The following RPS6KA5 variants were observed in gnomAD, a reference collection of about 807,000 sequenced individuals.
RPS6KA5 encodes the protein ribosomal protein S6 kinase A5.
Under a neutral mutation model 85.5 loss-of-function variants are expected in RPS6KA5, and 27 were observed. The observed-to-expected ratio is 0.32, with a 90% CI of 0.23 to 0.44. The LOEUF is 0.44. RPS6KA5 is among the 20% of genes least tolerant of loss of function. The pLI, the probability that RPS6KA5 is intolerant of heterozygous loss-of-function variation, is 1.00. For missense variants in RPS6KA5, 811 were observed against 980.9 expected, an observed-to-expected ratio of 0.83 and a Z score of 2.31; for synonymous variants, 334 against 348.2, an observed-to-expected ratio of 0.96 and a Z score of 0.46.
rs1490296529 is a variant in RPS6KA5, at chr14:90,861,632, G to A, written c.*10442C>T. The A allele has an allele frequency of 6.6e-6, 1 of 151,396 alleles. No homozygotes were observed. The highest frequency in any genetic ancestry group is 1.5e-5 in the Non-Finnish European group (1 of 68,030). 9.4% of individuals were successfully genotyped at this position (151,396 alleles called of 1,614,324 possible). A position where few individuals can be genotyped will look rare whatever the true frequency, so the allele number is the denominator to read the frequency against. On this transcript the variant is annotated 3_prime_UTR_variant, in exon 17 of 17. Transcript: ENST00000614987. The stretch of plus-strand genomic sequence containing the variant: ...CAACAATAACATAAAAGGAAGAAGG[G>A]GGAATACCTGTAATCCCAGCACTTT...
chr14:91,005,303 CATAA>C (rs1291294685), intron 1 of RPS6KA5, among the ~76,000 whole-genome samples: 2 of 152,188 alleles, frequency 1.3e-5, no homozygotes. Flanking sequence ...CTACTGCCAT[CATAA>C]ATTAATCTAA....
intron 1 of RPS6KA5, among the ~76,000 whole-genome samples, chr14:91,024,919 T>C (rs1478871507): frequency 1.3e-5 from 2 of 152,174 alleles, no homozygotes; most frequent in African/African-American, 4.8e-5. Flanking sequence ...TCTCGCTCTG[T>C]CACCCAGGCT....
intron 2 of RPS6KA5, among the ~76,000 whole-genome samples, chr14:90,979,262 T>C (rs2039694705): frequency 6.6e-6 from 1 of 152,220 alleles, no homozygotes; most frequent in Admixed American, 6.5e-5. Flanking sequence ...CTGCATTTAT[T>C]TTCTTAGAGA....
chr14:90,959,857 T>G (rs577263888), intron 3 of RPS6KA5, among the ~76,000 whole-genome samples: 1 of 152,288 alleles, frequency 6.6e-6, no homozygotes, highest in East Asian at 1.9e-4. Context: ...TTAAGGAACA[T>G]CACCTTAAAG....
intron 1 of RPS6KA5, among the ~76,000 whole-genome samples, chr14:91,046,614 G>T (rs2042884394): frequency 6.6e-6 from 1 of 152,094 alleles, no homozygotes; most frequent in South Asian, 2.1e-4. Context: ...TGTGATTAGA[G>T]GACAGAGTGC....
At position 90,884,458 on chromosome 14, in the gene RPS6KA5, C is replaced by T. The variant is rs150366072; in HGVS notation, c.1836+6029G>A. ...AAATATGCCGAAATCCAAAGAAATCCGAAATCCAAAATACTTCTGGTCCCA... is the reference window on the plus strand; with the variant it reads ...AAATATGCCGAAATCCAAAGAAATCTGAAATCCAAAATACTTCTGGTCCCA... On this transcript the variant is annotated intron_variant, in intron 14 of 16. Coordinates refer to ENST00000614987, the MANE Select transcript of RPS6KA5 (RefSeq NM_004755.4). Among the ~76,000 whole-genome samples, 46 of 152,236 alleles carry T rather than the reference C, an allele frequency of 3.0e-4. 1 individual carries two copies. Among genetic ancestry groups the T allele is most frequent in the African/African-American group, 9.9e-4 (41 of 41,536 alleles).
chr14:90,906,402 T>C, intron 7 of RPS6KA5, 103 bp from the exon 8 acceptor site: 1 of 861,876 alleles, frequency 1.2e-6, no homozygotes, highest in Non-Finnish European at 1.7e-6. Context: ...GAAAGAGAGA[T>C]ATAAATACTT....
In RPS6KA5 at chr14:90,890,568, G is replaced by A. The variant is rs575612190; in HGVS notation, c.1755C>T (p.Thr585=). ...AGAGCTCTGGGGCGGCATAATGAAG[G>A]GTGAAGCATGGAGTCTTCAGGGGCT... ...DNQPLKTPCF[T]LHYAAPELLN... The change falls in exon 14 of 17, where the codon ACC becomes ACT. Residue 585 remains threonine (T), a synonymous_variant. Transcript: ENST00000614987. 6 of 1,614,152 alleles carry A rather than the reference G, an allele frequency of 3.7e-6. No individual in the cohort carries two copies. The highest frequency in any genetic ancestry group is 2.7e-5 in the African/African-American group (2 of 75,034).
At chr14:90,966,717 C>T (rs560230250) in intron 3 of RPS6KA5, among the ~76,000 whole-genome samples, 2 of 152,252 alleles carry the variant, frequency 1.3e-5, no homozygotes, top group South Asian at 2.1e-4. Flanking sequence ...CTAGCCCTAT[C>T]GAATACAAGG....
rs145682676 is a variant in RPS6KA5 at position 90,969,831 on chromosome 14, C to T, written c.394+8475G>A. 1.8e-4 allele frequency among the ~76,000 whole-genome samples: 28 copies of T among 152,226 alleles called. No individual in the cohort carries two copies. In the East Asian group the frequency reaches 5.4e-3, roughly 29 times the overall value. ...AGCTGTTATTAATTCCCACATGCCC[C>T]CTATGATTCAGACCACTTCTCTCTT... On this transcript the variant is annotated intron_variant, in intron 3 of 16. Transcript: ENST00000614987.
At chr14:90,941,306 T>G (rs760286127) in intron 5 of RPS6KA5, among the ~76,000 whole-genome samples, 1 of 152,178 alleles carries the variant, frequency 6.6e-6, no homozygotes, top group Non-Finnish European at 1.5e-5. Context: ...GTAGAGAGAT[T>G]TGGCTGGGCC....
chr14:91,006,900 A>G (rs971133280), intron 1 of RPS6KA5, among the ~76,000 whole-genome samples: 1 of 152,190 alleles, frequency 6.6e-6, no homozygotes, highest in Non-Finnish European at 1.5e-5. Flanking sequence ...ACACCTGAAC[A>G]TGCTGGTCTC....
At chr14:91,052,014 A>G (rs1258840787) in intron 1 of RPS6KA5, among the ~76,000 whole-genome samples, 1 of 152,076 alleles carries the variant, frequency 6.6e-6, no homozygotes, top group East Asian at 1.9e-4. Context: ...GCTCGTAAAT[A>G]CTTTGATTAT....
At chr14:90,969,446 G>C (rs184273362) in intron 3 of RPS6KA5, among the ~76,000 whole-genome samples, 3 of 152,230 alleles carry the variant, frequency 2.0e-5, no homozygotes, top group Admixed American at 6.5e-5. Flanking sequence ...AGAGACATTG[G>C]GTTACATAAG....
intron 1 of RPS6KA5, among the ~76,000 whole-genome samples, chr14:91,025,993 T>C (rs1333777045): frequency 1.3e-5 from 2 of 151,910 alleles, no homozygotes; most frequent in African/African-American, 4.9e-5. Flanking sequence ...TTCCCTCTTC[T>C]TTCTCTCTAC....
intron 1 of RPS6KA5, among the ~76,000 whole-genome samples, chr14:91,030,889 CAGG>C (rs897298859): frequency 6.6e-6 from 1 of 151,692 alleles, no homozygotes; most frequent in African/African-American, 2.4e-5. Context: ...AGATAAACAA[CAGG>C]AGATTAAAAA....
intron 2 of RPS6KA5, among the ~76,000 whole-genome samples, chr14:90,998,064 G>A (rs1040667316): frequency 6.3e-5 from 9 of 142,238 alleles, no homozygotes; most frequent in African/African-American, 1.0e-4. Flanking sequence ...CAATATGAAT[G>A]AACCTAGAAA....
At chr14:91,017,517 T>C (rs529128290) in intron 1 of RPS6KA5, among the ~76,000 whole-genome samples, 5 of 152,318 alleles carry the variant, frequency 3.3e-5, no homozygotes, top group East Asian at 1.9e-4. Context: ...GGTGGCTTGA[T>C]GGAATGGCCT....
In RPS6KA5 at chr14:91,031,520, G is replaced by A. The variant is rs1215644170; in HGVS notation, c.103+28812C>T. Among the ~76,000 whole-genome samples, 3 of 152,256 alleles carry A rather than the reference G, an allele frequency of 2.0e-5. No homozygotes were observed. The East Asian group carries it at 5.8e-4, about 29-fold the overall frequency. ...AAAGAAACCAATCCAGAATGGAAGAGACGGAACAGAGTTCCACAAAGGACT... is the reference window on the plus strand; with the variant it reads ...AAAGAAACCAATCCAGAATGGAAGAAACGGAACAGAGTTCCACAAAGGACT... On this transcript the variant is annotated intron_variant, in intron 1 of 16. Coordinates refer to ENST00000614987, the MANE Select transcript of RPS6KA5 (RefSeq NM_004755.4).
Sources: allele counts gnomAD v4.1 joint callset (sites outside exome capture counted in the v4.1 genomes callset), GRCh38; gene constraint gnomAD v4.1.1; transcripts MANE v1.5; gene names NCBI Gene and HGNC (gene_info 2026-07-23, HGNC 2026-07-21).